The following ZNF705G variants were observed in gnomAD, a reference collection of about 807,000 sequenced individuals.
ZNF705G encodes the protein zinc finger protein 705G, also known as putative zinc finger protein 705G.
In ZNF705G, 23 loss-of-function variants were observed where a neutral mutation model predicts 19.6. That is an observed-to-expected ratio of 1.17 (90% CI 0.84 to 1.66). The LOEUF (loss-of-function observed/expected upper bound fraction) is 1.66. Among genes scored for constraint, ZNF705G ranks in the 40% most tolerant of loss-of-function variants. The pLI, the probability that ZNF705G is intolerant of heterozygous loss-of-function variation, is 0.00. For missense variants in ZNF705G, 457 were observed against 354.4 expected (o/e 1.29, Z -2.32); for synonymous variants, 146 against 117.7 (o/e 1.24, Z -1.56).
chr8:7,369,129 G>A (rs1315299053), intron 2 of ZNF705G, among the ~76,000 whole-genome samples: 14 of 149,356 alleles, frequency 9.4e-5, no homozygotes, highest in South Asian at 4.2e-4. Context: ...TCACTACCAC[G>A]AGAACAGCAT....
intron 1 of ZNF705G, among the ~76,000 whole-genome samples, chr8:7,383,637 G>T (rs1489913452): frequency 2.0e-5 from 3 of 148,558 alleles, no homozygotes; most frequent in Non-Finnish European, 4.4e-5. Flanking sequence ...AAGTGGTGAT[G>T]ATATTACAAG....
At chr8:7,364,383 T>A (rs947353697) in intron 2 of ZNF705G, among the ~76,000 whole-genome samples, 2 of 149,726 alleles carry the variant, frequency 1.3e-5, no homozygotes, top group African/African-American at 5.1e-5. Flanking sequence ...AAAGAGTAAC[T>A]TTGTATTAAT....
intron 2 of ZNF705G, among the ~76,000 whole-genome samples, chr8:7,363,655 T>A (rs1408491665): frequency 1.3e-5 from 2 of 149,344 alleles, no homozygotes; most frequent in Non-Finnish European, 2.9e-5. Context: ...ACCCCGTCTG[T>A]AGTAAAAATA....
intron 2 of ZNF705G, among the ~76,000 whole-genome samples, chr8:7,378,056 G>T (rs1396843891): frequency 2.0e-5 from 3 of 149,460 alleles, no homozygotes; most frequent in Admixed American, 1.3e-4. Context: ...GCTCTTAGTT[G>T]AAAATGACAT....
Position 7,358,144 on chromosome 8 carries a change from T to G in ZNF705G, c.735A>C (p.Arg245Ser), listed in dbSNP as rs753311823. ...KVFIQSFNLQ[R>S]HERTHLGKKC... ...TTTTTCCAAGGTGAGTTCTCTCATGTCTTTGAAGGTTAAAGGATTGAATAA... is the reference window on the plus strand; with the variant it reads ...TTTTTCCAAGGTGAGTTCTCTCATGGCTTTGAAGGTTAAAGGATTGAATAA... Residue 245 changes from arginine (R) to serine (S), a missense_variant, in exon 7 of 7, where the codon AGA (arginine) becomes AGC (serine). Physicochemically the swap from Arg to Ser is moderately radical, Grantham distance 110 (BLOSUM62 -1). Transcript: ENST00000400156. 40 of 1,607,512 alleles carry G rather than the reference T, an allele frequency of 2.5e-5. 1 individual carries two copies. The highest frequency in any genetic ancestry group is 3.3e-5 in the Non-Finnish European group (39 of 1,179,622).
In ZNF705G at chr8:7,361,325, G is replaced by C. The variant is rs976701936; in HGVS notation, c.13-89C>G. 4 of 1,588,090 alleles carry C rather than the reference G, an allele frequency of 2.5e-6. No homozygotes were observed. In the African/African-American group the frequency reaches 5.7e-5, roughly 23 times the overall value. ...GCTGAGATGACATAGCTAGCAGCTG[G>C]GTATGCAGAATACTCAGTGTTTTGG... On this transcript the variant is annotated intron_variant, in intron 3 of 6. Coordinates refer to ENST00000400156, the MANE Select transcript of ZNF705G (RefSeq NM_001164457.3).
Position 7,365,598 on chromosome 8 carries a change from G to A in ZNF705G, c.-71-2581C>T, listed in dbSNP as rs185474036. 3.3e-5 allele frequency among the ~76,000 whole-genome samples: 5 copies of A among 149,290 alleles called. No homozygotes were observed. In the East Asian group the frequency reaches 7.7e-4, roughly 23 times the overall value. On this transcript the variant is annotated intron_variant, in intron 2 of 6. Coordinates refer to ENST00000400156, the MANE Select transcript of ZNF705G (RefSeq NM_001164457.3). The stretch of plus-strand genomic sequence containing the variant: ...TTGGTCGCGCTGGTCTAAAACTCCT[G>A]ACCTCAGGTGATCCGCCAGCCTCCG...
intron 2 of ZNF705G, among the ~76,000 whole-genome samples, chr8:7,376,671 A>G (rs1807251414): frequency 6.7e-6 from 1 of 149,944 alleles, no homozygotes; most frequent in South Asian, 2.1e-4. Context: ...GCAACCTCAA[A>G]GACCAGTGCC....
At chr8:7,361,951 G>T (rs1256407962) in intron 3 of ZNF705G, among the ~76,000 whole-genome samples, 1 of 149,566 alleles carries the variant, frequency 6.7e-6, no homozygotes, top group Non-Finnish European at 1.5e-5. Context: ...CAGTCTAGCA[G>T]CACAAGACAA....
At chr8:7,383,996 C>G (rs1242289088) in intron 1 of ZNF705G, among the ~76,000 whole-genome samples, 1 of 139,430 alleles carries the variant, frequency 7.2e-6, no homozygotes, top group Admixed American at 6.9e-5. Flanking sequence ...AGTGGTCACC[C>G]TACATTAATA....
intron 2 of ZNF705G, among the ~76,000 whole-genome samples, chr8:7,375,680 A>C (rs185986242): frequency 0.02 from 1,899 of 94,428 alleles, 729 homozygotes; most frequent in African/African-American, 0.09. Context: ...GAGTAACAAC[A>C]AATTTCTGCA....
chr8:7,356,191 T>C lies in ZNF705G; in HGVS notation c.*1785A>G, dbSNP rs117206108. On this transcript the variant is annotated 3_prime_UTR_variant, in exon 7 of 7. Coordinates refer to ENST00000400156, the MANE Select transcript of ZNF705G (RefSeq NM_001164457.3). ...TCATTTTGCTTCAGGAAAAGTACAT[T>C]GAATCAAATATAGGAAAGGCTTGCA... The C allele has an allele frequency of 0.037, 5,558 of 148,964 alleles. 127 individuals carry two copies. The highest frequency in any genetic ancestry group is 0.057 in the Non-Finnish European group (3,889 of 67,702). 9.2% of individuals were successfully genotyped at this position (148,964 alleles called of 1,614,324 possible).
chr8:7,377,953 CAAAAAAAAAAA>C (rs1175739210), intron 2 of ZNF705G, among the ~76,000 whole-genome samples: 68 of 52,890 alleles, frequency 1.3e-3, no homozygotes, highest in African/African-American at 8.4e-3. Context: ...GACACTGTCT[CAAAAAAAAAAA>C]AAAAAAAAAA....
At chr8:7,385,120 C>A (rs1295669681) in intron 1 of ZNF705G, among the ~76,000 whole-genome samples, 1 of 147,980 alleles carries the variant, frequency 6.8e-6, no homozygotes, top group Non-Finnish European at 1.5e-5. Context: ...TGAACAGGGT[C>A]GTGCATAAAA....
intron 2 of ZNF705G, among the ~76,000 whole-genome samples, chr8:7,367,069 T>C (rs1462032172): frequency 1.3e-5 from 2 of 149,572 alleles, no homozygotes; most frequent in African/African-American, 5.1e-5. Context: ...AATAATGAGA[T>C]ATGGTCAAAA....
intron 4 of ZNF705G, 83 bp downstream of exon 4, chr8:7,361,027 G>T (rs1057069789): frequency 2.5e-6 from 4 of 1,588,902 alleles, no homozygotes; most frequent in Non-Finnish European, 3.4e-6. Flanking sequence ...ATTAGAGTGA[G>T]ATATGGGGAA....
Position 7,359,488 on chromosome 8 carries a change from A to ATT in ZNF705G, c.318+129_318+130dup, listed in dbSNP as rs58990182. On this transcript the variant is annotated intron_variant, in intron 6 of 6. Coordinates refer to ENST00000400156, the MANE Select transcript of ZNF705G (RefSeq NM_001164457.3). ...GTATTCACTAAATTCAAAGTATCCAATTTTTTTTTTTTGCTTAGAAAACAC... is the reference window on the plus strand; with the variant it reads ...GTATTCACTAAATTCAAAGTATCCAATTTTTTTTTTTTTTGCTTAGAAAACAC... 1.9e-4 allele frequency: 259 copies of ATT among 1,334,014 alleles called. 4 individuals are homozygous for ATT. Among genetic ancestry groups the ATT allele is most frequent in the African/African-American group, 1.2e-3 (68 of 56,598 alleles). The allele number at this position is 1,334,014 out of a possible 1,614,324, so 82.6% of individuals were successfully genotyped here.
chr8:7,368,826 C>T (rs1474206317), intron 2 of ZNF705G, among the ~76,000 whole-genome samples: 3 of 149,452 alleles, frequency 2.0e-5, no homozygotes, highest in Admixed American at 6.6e-5. Context: ...TAAAAGGGCC[C>T]CAGACATTGT....
chr8:7,382,446 T>C (rs1315953108), intron 1 of ZNF705G, among the ~76,000 whole-genome samples: 1 of 146,790 alleles, frequency 6.8e-6, no homozygotes, highest in Non-Finnish European at 1.5e-5. Context: ...AATAGTGATA[T>C]TGAGGATTCA....
Sources: gnomAD v4.1 joint callset for allele counts (sites outside exome capture counted in the v4.1 genomes callset) on GRCh38, gnomAD v4.1.1 for gene constraint, MANE v1.5 for transcripts, NCBI Gene and HGNC (gene_info 2026-07-23, HGNC 2026-07-21) for gene names.